The following MMP1 variants were observed in gnomAD, a reference collection of about 807,000 sequenced individuals.
The protein encoded by MMP1 is matrix metallopeptidase 1, also known as interstitial collagenase.
In MMP1, 51 loss-of-function variants were observed where a neutral mutation model predicts 49.6. The ratio of observed to expected loss-of-function variants is 1.03; its 90% confidence interval spans 0.82 to 1.30. The LOEUF is 1.30. Among genes scored for constraint, MMP1 ranks in the 50% most tolerant of loss-of-function variants. The pLI is 0.00. For missense variants in MMP1, 623 were observed against 568.7 expected (o/e 1.10, Z -0.97); for synonymous variants, 230 against 196.8 (o/e 1.17, Z -1.41).
intron 8 of MMP1, 51 bp downstream of exon 8, chr11:102,791,282 T>C (rs1858021788): frequency 6.2e-7 from 1 of 1,604,758 alleles, no homozygotes; most frequent in Admixed American, 1.7e-5. Context: ...ATTCTAGAAC[T>C]TTTTATGTAG....
chr11:102,793,038 C>T (rs1189472629), intron 6 of MMP1: 1 of 201,558 alleles, frequency 5.0e-6, no homozygotes, highest in Non-Finnish European at 9.8e-6. Flanking sequence ...TTATGACAAA[C>T]TGATGAATTT....
At chr11:102,792,841 G>A in intron 6 of MMP1, 103 bp from the exon 7 acceptor site, 1 of 1,073,632 alleles carries the variant, frequency 9.3e-7, no homozygotes. Flanking sequence ...GTGGTGTGCT[G>A]GTAAATGTAT....
At position 102,790,816 on chromosome 11, in the gene MMP1, A is replaced by G. The variant is rs747482213; in HGVS notation, c.1197-10T>C. 2 of 1,522,608 alleles carry G rather than the reference A, an allele frequency of 1.3e-6. No individual in the cohort carries two copies. The highest frequency in any genetic ancestry group is 1.8e-6 in the Non-Finnish European group (2 of 1,097,574). 94.3% of individuals were successfully genotyped at this position (1,522,608 alleles called of 1,614,324 possible). On this transcript the variant is annotated splice_polypyrimidine_tract_variant and intron_variant, in intron 8 of 9. Coordinates refer to ENST00000315274, the MANE Select transcript of MMP1 (RefSeq NM_002421.4). ...TTTATATTCATCATACCTGGTCAGA[A>G]AAGAGTTAAGAGTGTCAGACCTTTT...
Position 102,790,533 on chromosome 11 carries a change from A to G in MMP1, c.1301-12T>C. Reference sequence around the variant, plus strand: ...GAAATAGAAAAATCCTAGAAACAAAACAAAAGAGACTTACTACATTATACA... The same window carrying G: ...GAAATAGAAAAATCCTAGAAACAAAGCAAAAGAGACTTACTACATTATACA... On this transcript the variant is annotated splice_polypyrimidine_tract_variant and intron_variant, in intron 9 of 9. Coordinates refer to ENST00000315274, the MANE Select transcript of MMP1 (RefSeq NM_002421.4). 1 of 1,515,268 alleles carries G rather than the reference A, an allele frequency of 6.6e-7. No individual in the cohort carries two copies. 93.9% of individuals were successfully genotyped at this position (1,515,268 alleles called of 1,614,324 possible).
chr11:102,791,114 T>A (rs1211987601), intron 8 of MMP1, among the ~76,000 whole-genome samples: 1 of 152,232 alleles, frequency 6.6e-6, no homozygotes, highest in Non-Finnish European at 1.5e-5. Flanking sequence ...CAATTCTACA[T>A]CCTTTTAAAA....
At position 102,798,160 on chromosome 11, in the gene MMP1, T is replaced by C. The variant is rs996562994; in HGVS notation, c.-68A>G. ...TTCCCAGCCTCTTGCTGCTCCAATATCCCAGCTAGGAAGCTCCCTCTGTAT... is the reference window on the plus strand; with the variant it reads ...TTCCCAGCCTCTTGCTGCTCCAATACCCCAGCTAGGAAGCTCCCTCTGTAT... On this transcript the variant is annotated 5_prime_UTR_variant, in exon 1 of 10. Transcript: ENST00000315274. The C allele has an allele frequency of 3.8e-6, 5 of 1,320,612 alleles. No homozygotes were observed. Among genetic ancestry groups the C allele is most frequent in the Non-Finnish European group, 5.2e-6 (5 of 955,440 alleles). 81.8% of individuals were successfully genotyped at this position (1,320,612 alleles called of 1,614,324 possible). A position where few individuals can be genotyped will look rare whatever the true frequency, so the allele number is the denominator to read the frequency against.
Position 102,789,988 on chromosome 11 carries a change from C to T in MMP1, c.*424G>A, listed in dbSNP as rs1857976059. ...CTTATTTTGTGTTAGAAGAGTTATC[C>T]CTTGCCTATCCAGGGTGACACCAGT... On this transcript the variant is annotated 3_prime_UTR_variant, in exon 10 of 10. Transcript: ENST00000315274. The T allele has an allele frequency of 6.5e-6, 1 of 153,202 alleles. No individual in the cohort carries two copies. The highest frequency in any genetic ancestry group is 1.9e-4 in the East Asian group (1 of 5,234). The allele number at this position is 153,202 out of a possible 1,614,324, so 9.5% of individuals were successfully genotyped here.
At position 102,794,874 on chromosome 11, in the gene MMP1, T is replaced by C. The variant is rs1361096990; in HGVS notation, c.899+300A>G. ...TAACTGCTCTGCTACCAATGAGCTC[T>C]ATGCCCCCAAAAGATCTCTTTCCTT... On this transcript the variant is annotated intron_variant, in intron 6 of 9. Transcript: ENST00000315274. The surrounding 1 kb of genome is among the most constrained non-coding windows in gnomAD (Gnocchi z 4.3). 2.6e-5 allele frequency among the ~76,000 whole-genome samples: 4 copies of C among 152,254 alleles called. No individual in the cohort carries two copies. Among genetic ancestry groups the C allele is most frequent in the African/African-American group, 9.6e-5 (4 of 41,470 alleles).
rs1857999087 is a variant in MMP1, at chr11:102,790,602, T to G, written c.1301-81A>C. 4 of 1,307,790 alleles carry G rather than the reference T, an allele frequency of 3.1e-6. No homozygotes were observed. The East Asian group carries it at 9.3e-5, about 30-fold the overall frequency. The allele number at this position is 1,307,790 out of a possible 1,614,324, so 81.0% of individuals were successfully genotyped here. On this transcript the variant is annotated intron_variant, in intron 9 of 9. Coordinates refer to ENST00000315274, the MANE Select transcript of MMP1 (RefSeq NM_002421.4). ...CTTGAATTCTTGAGAAACCAATTCA[T>G]CTGTGAGCACAGATATTTTTGGCAT...
rs756497834 is a variant in MMP1 at position 102,797,228 on chromosome 11, C to T, written c.350+28G>A. The T allele has an allele frequency of 1.9e-5, 30 of 1,613,600 alleles. No individual in the cohort carries two copies. The South Asian group carries it at 2.5e-4, about 14-fold the overall frequency. ...CTTACCACTGTCATGGGAAATAGCT[C>T]TCTCACTCTGGCCCTCAGTCTGCCT... On this transcript the variant is annotated intron_variant, in intron 2 of 9. Transcript: ENST00000315274.
In MMP1 at chr11:102,797,100, A is replaced by C. The variant is rs773943831; in HGVS notation, c.413T>G (p.Phe138Cys). ...ADVDHAIEKA[F>C]QLWSNVTPLT... is the part of the protein sequence containing the mutation. ...AGGTGTGACATTACTCCAGAGTTGG[A>C]AGGCTTTCTCAATGGCATGGTCCAC... The change falls in exon 3 of 10, where the codon TTC (phenylalanine) becomes TGC (cysteine). Residue 138 changes from phenylalanine to cysteine, a missense_variant. By Grantham distance (205) the Phe-to-Cys change is radical. Transcript: ENST00000315274. 2.1e-5 allele frequency: 34 copies of C among 1,614,058 alleles called. No individual in the cohort carries two copies. The highest frequency in any genetic ancestry group is 2.6e-5 in the Non-Finnish European group (31 of 1,180,038).
intron 4 of MMP1, among the ~76,000 whole-genome samples, chr11:102,796,032 C>T (rs1262616932): frequency 6.6e-6 from 1 of 152,186 alleles, no homozygotes; most frequent in Non-Finnish European, 1.5e-5. Flanking sequence ...CTCACTGCAA[C>T]CTCTGCCTCC....
rs776917984 is a variant in MMP1 at position 102,795,549 on chromosome 11, A to C, written c.684T>G (p.His228Gln). The change falls in exon 5 of 10, where the codon CAT becomes CAG. Residue 228 changes from histidine (H) to glutamine (Q), a missense_variant. His to Gln is a conservative substitution (Grantham distance 24). Transcript: ENST00000315274. ...ACATCAAAGCCCCGATATCAGTAGA[A>C]TGGGAGAGTCCAAGAGAATGGCCGA... Reference protein sequence around the residue: ...HELGHSLGLSHSTDIGALMYP... With the variant: ...HELGHSLGLSQSTDIGALMYP... 6.2e-7 allele frequency: 1 copy of C among 1,614,074 alleles called. No individual in the cohort carries two copies. Among genetic ancestry groups the C allele is most frequent in the South Asian group, 1.1e-5 (1 of 91,076 alleles).
rs763139044 is a variant in MMP1 at position 102,791,466 on chromosome 11, T to C, written c.1063A>G (p.Asn355Asp). 2 of 1,613,954 alleles carry C rather than the reference T, an allele frequency of 1.2e-6. No homozygotes were observed. The highest frequency in any genetic ancestry group is 1.7e-6 in the Non-Finnish European group (2 of 1,179,832). The change falls in exon 8 of 10, where the codon AAT becomes GAT. Residue 355 changes from asparagine (N) to aspartate (D), a missense_variant. Physicochemically the swap from Asn to Asp is conservative, Grantham distance 23. Coordinates refer to ENST00000315274, the MANE Select transcript of MMP1 (RefSeq NM_002421.4). ...GNKYWAVQGQNVLHGYPKDIY... is the reference protein window; with the variant it reads ...GNKYWAVQGQDVLHGYPKDIY... ...TCCTTGGGGTATCCGTGTAGCACAT[T>C]CTGTCCCTGAACAGCCCAGTACTTA...
intron 6 of MMP1, 135 bp downstream of exon 6, chr11:102,795,039 C>A: frequency 1.3e-6 from 1 of 755,032 alleles, no homozygotes; most frequent in South Asian, 1.7e-5. Context: ...TGCACAAATG[C>A]ATGTGGTTGC....
chr11:102,794,961 C>A lies in MMP1; in HGVS notation c.899+213G>T, dbSNP rs1342511737. 6.6e-6 allele frequency among the ~76,000 whole-genome samples: 1 copy of A among 152,192 alleles called. No homozygotes were observed. The highest frequency in any genetic ancestry group is 1.5e-5 in the Non-Finnish European group (1 of 68,042). ...CATACATACTGATTTTCAAAATCAA[C>A]TATATTTTCTGAGAATCAGTTGACC... On this transcript the variant is annotated intron_variant, in intron 6 of 9. Coordinates refer to ENST00000315274, the MANE Select transcript of MMP1 (RefSeq NM_002421.4). The surrounding 1 kb of genome is among the most constrained non-coding windows in gnomAD (Gnocchi z 4.3).
intron 5 of MMP1, 39 bp from the exon 6 acceptor site, chr11:102,795,330 T>C: frequency 6.2e-7 from 1 of 1,607,804 alleles, no homozygotes; most frequent in Non-Finnish European, 8.5e-7. Context: ...TTTTGCCTAG[T>C]ATTAGAAAAC....
Position 102,796,996 on chromosome 11 carries a change from G to A in MMP1, c.499+18C>T. The A allele has an allele frequency of 6.2e-7, 1 of 1,607,772 alleles. No individual in the cohort carries two copies. Among genetic ancestry groups the A allele is most frequent in the African/African-American group, 1.3e-5 (1 of 74,864 alleles). On this transcript the variant is annotated intron_variant, in intron 3 of 9. Transcript: ENST00000315274. ...TCTAGGGGCAAGGTGAGGTTAAGGT[G>A]CTATAAGAAGAACTTACCTCCCCTG...
At chr11:102,792,449 G>A (rs1565210467) in intron 7 of MMP1, among the ~76,000 whole-genome samples, 156 bp downstream of exon 7, 1 of 152,164 alleles carries the variant, frequency 6.6e-6, no homozygotes, top group East Asian at 1.9e-4. Flanking sequence ...GCTACGCACC[G>A]TTTAGTTAAG....
Sources: gnomAD v4.1 joint callset for allele counts (sites outside exome capture counted in the v4.1 genomes callset) on GRCh38, gnomAD v4.1.1 for gene constraint, Gnocchi (gnomAD v3.1) non-coding constraint, MANE v1.5 for transcripts, NCBI Gene and HGNC (gene_info 2026-07-23, HGNC 2026-07-21) for gene names.